Variants in SNTG1 observed in about 807,000 individuals in gnomAD.
SNTG1 encodes gamma-1-syntrophin.
SNTG1 carries 39 observed loss-of-function variants against 74.7 expected under a neutral mutation model. The ratio of observed to expected loss-of-function variants is 0.52; its 90% confidence interval spans 0.40 to 0.68. The LOEUF (loss-of-function observed/expected upper bound fraction) is 0.68. Among genes scored for constraint, SNTG1 ranks in the 30% least tolerant of loss-of-function variants. The probability of loss-of-function intolerance (pLI) is 0.00; values close to 1 mark genes in which losing one functional copy is unlikely to be tolerated. For missense variants in SNTG1, 685 were observed against 609.5 expected, an observed-to-expected ratio of 1.12 and a Z score of -1.30; for synonymous variants, 254 against 217.1, an observed-to-expected ratio of 1.17 and a Z score of -1.49.
At chr8:50,176,991 G>T (rs892109262) in intron 2 of SNTG1, among the ~76,000 whole-genome samples, 1 of 152,156 alleles carries the variant, frequency 6.6e-6, no homozygotes, top group African/African-American at 2.4e-5. Context: ...ACTGTGCCGT[G>T]CAGGTAAAGG....
chr8:50,629,664 T>C (rs2094982540), intron 13 of SNTG1, among the ~76,000 whole-genome samples: 2 of 152,150 alleles, frequency 1.3e-5, no homozygotes, highest in Non-Finnish European at 2.9e-5. Context: ...CTGGAGCTTC[T>C]GTTCATAAAA....
intron 1 of SNTG1, among the ~76,000 whole-genome samples, chr8:49,983,799 GC>G (rs1812903119): frequency 6.6e-6 from 1 of 152,186 alleles, no homozygotes; most frequent in Non-Finnish European, 1.5e-5. Flanking sequence ...TTCTTGTCTT[GC>G]CCCCGTTTAA....
chr8:50,276,239 C>G (rs1320262665), intron 2 of SNTG1, among the ~76,000 whole-genome samples: 2 of 152,084 alleles, frequency 1.3e-5, no homozygotes, highest in Non-Finnish European at 2.9e-5. Context: ...TGCCACACTA[C>G]AGACCTACAA....
intron 1 of SNTG1, among the ~76,000 whole-genome samples, chr8:50,066,202 C>G (rs1447940081): frequency 1.3e-5 from 2 of 151,338 alleles, no homozygotes; most frequent in African/African-American, 2.4e-5. Flanking sequence ...GTAACAAAAG[C>G]AAAAGCTCCA....
intron 13 of SNTG1, among the ~76,000 whole-genome samples, chr8:50,601,473 C>A (rs2094774743): frequency 2.0e-5 from 3 of 152,208 alleles, no homozygotes; most frequent in Middle Eastern, 3.4e-3. Flanking sequence ...CATTCCATTG[C>A]AGTCAGAGAA....
chr8:50,515,157 A>G (rs2094120250), intron 9 of SNTG1, among the ~76,000 whole-genome samples: 1 of 152,110 alleles, frequency 6.6e-6, no homozygotes, highest in Non-Finnish European at 1.5e-5. Context: ...CATATCTTGG[A>G]GATATTGCCG....
chr8:50,714,364 TACAAAC>T (rs1243034139), intron 17 of SNTG1, among the ~76,000 whole-genome samples: 1 of 151,528 alleles, frequency 6.6e-6, no homozygotes, highest in East Asian at 1.9e-4. Flanking sequence ...CAAGGAGAAC[TACAAAC>T]TGCTGCTCAA....
Position 50,406,017 on chromosome 8 carries a change from C to T in SNTG1, c.162+3673C>T, listed in dbSNP as rs374582669. On this transcript the variant is annotated intron_variant, in intron 4 of 18. Coordinates refer to ENST00000642720, the MANE Select transcript of SNTG1 (RefSeq NM_018967.5). ...GTAGCTTTATAGCAAATTTTGAAAT[C>T]AGCTAATTTGGGTTCCTTAAGATCT... 5.0e-4 allele frequency among the ~76,000 whole-genome samples: 76 copies of T among 152,122 alleles called. 1 individual carries two copies. In the East Asian group the frequency reaches 8.3e-3, roughly 17 times the overall value.
chr8:50,640,689 T>C (rs2095067001), intron 13 of SNTG1, among the ~76,000 whole-genome samples: 1 of 152,160 alleles, frequency 6.6e-6, no homozygotes, highest in South Asian at 2.1e-4. Context: ...AAACTGTACA[T>C]GAATGTTTCC....
intron 2 of SNTG1, among the ~76,000 whole-genome samples, chr8:50,341,994 T>G (rs191935122): frequency 6.6e-6 from 1 of 152,216 alleles, no homozygotes; most frequent in African/African-American, 2.4e-5. Flanking sequence ...CCAAATATTG[T>G]GCTTTTCATC....
chr8:50,611,452 T>A (rs2094849323), intron 13 of SNTG1, among the ~76,000 whole-genome samples: 1 of 152,196 alleles, frequency 6.6e-6, no homozygotes, highest in Non-Finnish European at 1.5e-5. Flanking sequence ...ACTTCGTAAG[T>A]ACCATCATAT....
chr8:49,919,252 G>C (rs1465529169), intron 1 of SNTG1, among the ~76,000 whole-genome samples: 1 of 152,100 alleles, frequency 6.6e-6, no homozygotes. Flanking sequence ...TTGACCAAGG[G>C]AATATTACAT....
chr8:50,642,712 C>A (rs2095081659), intron 13 of SNTG1, among the ~76,000 whole-genome samples: 4 of 152,152 alleles, frequency 2.6e-5, no homozygotes, highest in African/African-American at 9.7e-5. Context: ...ATCGCAGCTA[C>A]AATTTCAGCC....
At chr8:50,005,124 GATCTAAA>G (rs1815092517) in intron 1 of SNTG1, among the ~76,000 whole-genome samples, 1 of 151,676 alleles carries the variant, frequency 6.6e-6, no homozygotes, top group East Asian at 1.9e-4. Context: ...GACTAATAAA[GATCTAAA>G]ATCTATTTCT....
At chr8:50,330,669 GA>G (rs2090927831) in intron 2 of SNTG1, among the ~76,000 whole-genome samples, 2 of 152,114 alleles carry the variant, frequency 1.3e-5, no homozygotes, top group South Asian at 4.1e-4. Context: ...ATTGATAAAG[GA>G]AAGAGGTTTC....
intron 15 of SNTG1, among the ~76,000 whole-genome samples, chr8:50,673,691 T>C (rs562482444): frequency 6.6e-6 from 1 of 152,302 alleles, no homozygotes; most frequent in Non-Finnish European, 1.5e-5. Flanking sequence ...CTGATTGCCC[T>C]GGCCAGAATT....
intron 1 of SNTG1, among the ~76,000 whole-genome samples, chr8:50,071,275 T>G (rs1248732503): frequency 2.0e-5 from 3 of 152,216 alleles, no homozygotes; most frequent in Non-Finnish European, 2.9e-5. Context: ...CATAGCTCAC[T>G]GCTGCCTTGA....
At chr8:50,156,354 C>G (rs748951523) in intron 1 of SNTG1, among the ~76,000 whole-genome samples, 3 of 151,922 alleles carry the variant, frequency 2.0e-5, no homozygotes, top group Admixed American at 2.0e-4. Flanking sequence ...GGATCTATAA[C>G]GCTTATGATC....
chr8:50,246,124 C>T (rs2086388068), intron 2 of SNTG1, among the ~76,000 whole-genome samples: 1 of 149,926 alleles, frequency 6.7e-6, no homozygotes, highest in African/African-American at 2.5e-5. Flanking sequence ...ATACTAGATG[C>T]ATAAAATGTG....
Sources: gnomAD v4.1 joint callset for allele counts (sites outside exome capture counted in the v4.1 genomes callset) on GRCh38, gnomAD v4.1.1 for gene constraint, MANE v1.5 for transcripts, NCBI Gene and HGNC (gene_info 2026-07-23, HGNC 2026-07-21) for gene names.